Variants in GPR39 observed in about 807,000 individuals in gnomAD.
GPR39 encodes zinc sensing receptor.
In GPR39, 23 loss-of-function variants were observed where a neutral mutation model predicts 18.4. The observed-to-expected ratio is 1.25, with a 90% confidence interval of 0.90 to 1.77. GPR39 has a LOEUF of 1.77. Among genes scored for constraint, GPR39 ranks in the 40% most tolerant of loss-of-function variants. The pLI, the probability that GPR39 is intolerant of heterozygous loss-of-function variation, is 0.00. For missense variants in GPR39, 647 were observed against 602.4 expected, an observed-to-expected ratio of 1.07 and a Z score of -0.78; for synonymous variants, 280 against 257.9, an observed-to-expected ratio of 1.09 and a Z score of -0.82.
intron 1 of GPR39, among the ~76,000 whole-genome samples, chr2:132,609,261 G>T (rs938798092): frequency 5.9e-5 from 9 of 152,198 alleles, no homozygotes; most frequent in African/African-American, 2.2e-4. Context: ...TGTGTCCCTG[G>T]CTATTCTTGT....
At chr2:132,628,533 C>T (rs551775308) in intron 1 of GPR39, among the ~76,000 whole-genome samples, 29 of 152,320 alleles carry the variant, frequency 1.9e-4, no homozygotes, top group Admixed American at 1.8e-3. Flanking sequence ...GCCCTATCTC[C>T]GTCCAGGCTT....
intron 1 of GPR39, among the ~76,000 whole-genome samples, chr2:132,542,886 C>G (rs1220955112): frequency 6.6e-6 from 1 of 152,176 alleles, no homozygotes; most frequent in Non-Finnish European, 1.5e-5. Context: ...ACCTCCCTTG[C>G]CACTCAGTAA....
intron 1 of GPR39, among the ~76,000 whole-genome samples, chr2:132,469,199 T>C (rs1186381683): frequency 1.3e-5 from 2 of 152,202 alleles, no homozygotes; most frequent in African/African-American, 4.8e-5. Flanking sequence ...TCCATCCCCC[T>C]GTAGGCATCA....
At chr2:132,515,429 T>G (rs566491237) in intron 1 of GPR39, among the ~76,000 whole-genome samples, 2 of 152,314 alleles carry the variant, frequency 1.3e-5, no homozygotes, top group African/African-American at 4.8e-5. Context: ...AATAAATATT[T>G]ATTAGATATT....
At chr2:132,453,887 C>T (rs918891076) in intron 1 of GPR39, among the ~76,000 whole-genome samples, 17 of 151,950 alleles carry the variant, frequency 1.1e-4, no homozygotes, top group South Asian at 1.0e-3. Flanking sequence ...ACTGTAGCCT[C>T]GTAGTATAGT....
At chr2:132,491,265 AG>A (rs1681454813) in intron 1 of GPR39, among the ~76,000 whole-genome samples, 1 of 152,208 alleles carries the variant, frequency 6.6e-6, no homozygotes, top group African/African-American at 2.4e-5. Flanking sequence ...TGAGAAGAGA[AG>A]AAATTCTTTT....
At chr2:132,490,199 C>T (rs1366392852) in intron 1 of GPR39, among the ~76,000 whole-genome samples, 2 of 151,840 alleles carry the variant, frequency 1.3e-5, no homozygotes, top group Admixed American at 6.6e-5. Context: ...TTTGGAGGGG[C>T]AGGATGCAGC....
chr2:132,528,389 C>T (rs574171226), intron 1 of GPR39, among the ~76,000 whole-genome samples: 1 of 152,224 alleles, frequency 6.6e-6, no homozygotes, highest in Non-Finnish European at 1.5e-5. Flanking sequence ...GTTCTTTTTG[C>T]TTAGGATTGT....
chr2:132,439,122 A>G (rs1172097062), intron 1 of GPR39, among the ~76,000 whole-genome samples: 1 of 152,160 alleles, frequency 6.6e-6, no homozygotes, highest in Non-Finnish European at 1.5e-5. Context: ...ATTTCTCTTC[A>G]TGCTCCACCT....
intron 1 of GPR39, among the ~76,000 whole-genome samples, chr2:132,525,410 C>T (rs1216448745): frequency 6.6e-6 from 1 of 152,170 alleles, no homozygotes; most frequent in African/African-American, 2.4e-5. Context: ...TATAAGTAAT[C>T]CTAGGTAAGG....
chr2:132,615,068 C>T (rs1681311797), intron 1 of GPR39, among the ~76,000 whole-genome samples: 1 of 152,160 alleles, frequency 6.6e-6, no homozygotes, highest in Non-Finnish European at 1.5e-5. Context: ...CCCATGCCCA[C>T]CCCATGTGTC....
chr2:132,612,441 A>T (rs2872945), intron 1 of GPR39, among the ~76,000 whole-genome samples: 34,791 of 152,148 alleles, frequency 0.23, 4,367 homozygotes, highest in African/African-American at 0.31. Flanking sequence ...CTTCAAAGCA[A>T]GACCACGTTC....
chr2:132,431,424 A>C (rs534616942), intron 1 of GPR39, among the ~76,000 whole-genome samples: 1 of 152,368 alleles, frequency 6.6e-6, no homozygotes, highest in South Asian at 2.1e-4. Context: ...GTTATTTAAG[A>C]AAGAAAAACT....
At chr2:132,493,045 T>TATATATACCAC (rs1681532071) in intron 1 of GPR39, among the ~76,000 whole-genome samples, 1 of 124,046 alleles carries the variant, frequency 8.1e-6, no homozygotes, top group Non-Finnish European at 1.7e-5. Context: ...ATATATACCA[T>TATATATACCAC]ATATACCATA....
chr2:132,532,485 A>T (rs1679659414), intron 1 of GPR39, among the ~76,000 whole-genome samples: 1 of 152,162 alleles, frequency 6.6e-6, no homozygotes, highest in Non-Finnish European at 1.5e-5. Context: ...ATCCTCCCTA[A>T]CTCATTTTAT....
chr2:132,544,659 A>T (rs1185518614), intron 1 of GPR39, among the ~76,000 whole-genome samples: 1 of 152,186 alleles, frequency 6.6e-6, no homozygotes, highest in Non-Finnish European at 1.5e-5. Flanking sequence ...CTCATCCTGC[A>T]GTTGGGCTGG....
chr2:132,479,461 G>C (rs1558810509), intron 1 of GPR39, among the ~76,000 whole-genome samples: 1 of 152,196 alleles, frequency 6.6e-6, no homozygotes, highest in South Asian at 2.1e-4. Flanking sequence ...AATTGGGCTG[G>C]TATGGAGGAT....
At chr2:132,466,850 C>A (rs1242848059) in intron 1 of GPR39, among the ~76,000 whole-genome samples, 1 of 152,184 alleles carries the variant, frequency 6.6e-6, no homozygotes. Flanking sequence ...ACAACTTGAG[C>A]TAGTACATTC....
chr2:132,433,365 G>C (rs1680256615), intron 1 of GPR39, among the ~76,000 whole-genome samples: 1 of 152,052 alleles, frequency 6.6e-6, no homozygotes. Context: ...AGTGTTCCTA[G>C]TGTCCACTTG....
Sources: gnomAD v4.1 joint callset for allele counts (sites outside exome capture counted in the v4.1 genomes callset) on GRCh38, gnomAD v4.1.1 for gene constraint, MANE v1.5 for transcripts, NCBI Gene and HGNC (gene_info 2026-07-23, HGNC 2026-07-21) for gene names.